RUNDC3B: variants seen among roughly 807,000 people sequenced by gnomAD.
The protein encoded by RUNDC3B is RUN domain-containing protein 3B.
Under a neutral mutation model 58.4 loss-of-function variants are expected in RUNDC3B, and 33 were observed. That is an observed-to-expected ratio of 0.56 (90% CI 0.43 to 0.75). The LOEUF is 0.75. Among genes scored for constraint, RUNDC3B ranks in the 30% least tolerant of loss-of-function variants. The pLI is 0.00. For missense variants in RUNDC3B, 501 were observed against 535.7 expected, an observed-to-expected ratio of 0.94 and a Z score of 0.64; for synonymous variants, 193 against 195.2, an observed-to-expected ratio of 0.99 and a Z score of 0.10.
At chr7:87,812,805 G>C (rs756815051) in intron 9 of RUNDC3B, among the ~76,000 whole-genome samples, 2 of 152,106 alleles carry the variant, frequency 1.3e-5, no homozygotes, top group Non-Finnish European at 2.9e-5. Context: ...TGAGTTACTT[G>C]CAATCTTACT....
intron 1 of RUNDC3B, among the ~76,000 whole-genome samples, chr7:87,646,804 G>T (rs1823048410): frequency 6.6e-6 from 1 of 152,134 alleles, no homozygotes; most frequent in African/African-American, 2.4e-5. Flanking sequence ...AAGTTTTCAA[G>T]TCCCTTTTAA....
Position 87,831,643 on chromosome 7 carries a change from G to A in RUNDC3B, c.*1613G>A, listed in dbSNP as rs1180663827. 3 of 151,892 alleles carry A rather than the reference G, an allele frequency of 2.0e-5. No homozygotes were observed. The highest frequency in any genetic ancestry group is 6.6e-5 in the Admixed American group (1 of 15,212). The allele number at this position is 151,892 out of a possible 1,614,324, so 9.4% of individuals were successfully genotyped here. A position where few individuals can be genotyped will look rare whatever the true frequency, so the allele number is the denominator to read the frequency against. On this transcript the variant is annotated 3_prime_UTR_variant, in exon 11 of 11. Transcript: ENST00000394654. Reference sequence around the variant, plus strand: ...CTCAATTCTACATACCTGATTATGAGTGAAGTATCCAAAGCAGGTTTTCAT... The same window carrying A: ...CTCAATTCTACATACCTGATTATGAATGAAGTATCCAAAGCAGGTTTTCAT...
chr7:87,735,770 CTTCCAT>C (rs901414910), intron 4 of RUNDC3B, among the ~76,000 whole-genome samples: 27 of 152,056 alleles, frequency 1.8e-4, no homozygotes, highest in Admixed American at 5.2e-4. Flanking sequence ...TTGGGCTTTC[CTTCCAT>C]TTGTCTCTAT....
chr7:87,724,793 T>G (rs1240524393), intron 4 of RUNDC3B, among the ~76,000 whole-genome samples: 1 of 152,106 alleles, frequency 6.6e-6, no homozygotes, highest in African/African-American at 2.4e-5. Flanking sequence ...TAATAGTTCA[T>G]AGTATTTGTG....
chr7:87,747,547 A>G (rs952348115), intron 6 of RUNDC3B, among the ~76,000 whole-genome samples: 7 of 152,216 alleles, frequency 4.6e-5, no homozygotes, highest in African/African-American at 1.4e-4. Flanking sequence ...TAGAACTCCC[A>G]AGATTATATG....
At chr7:87,731,109 A>G (rs948874074) in intron 4 of RUNDC3B, among the ~76,000 whole-genome samples, 1 of 152,128 alleles carries the variant, frequency 6.6e-6, no homozygotes, top group African/African-American at 2.4e-5. Flanking sequence ...TGCCAAGGAC[A>G]TGTATAAACA....
At chr7:87,732,359 G>A (rs1831633649) in intron 4 of RUNDC3B, among the ~76,000 whole-genome samples, 1 of 151,964 alleles carries the variant, frequency 6.6e-6, no homozygotes, top group Non-Finnish European at 1.5e-5. Context: ...AAAAGAAAGA[G>A]CAAAGTAAAC....
At chr7:87,803,293 G>A (rs1208379633) in intron 8 of RUNDC3B, among the ~76,000 whole-genome samples, 1 of 152,100 alleles carries the variant, frequency 6.6e-6, no homozygotes, top group African/African-American at 2.4e-5. Flanking sequence ...TTGCAGGAGA[G>A]CTAGACTCCA....
intron 3 of RUNDC3B, among the ~76,000 whole-genome samples, chr7:87,701,070 G>A (rs1828993614): frequency 6.6e-6 from 1 of 152,148 alleles, no homozygotes. Context: ...AATATCCTGA[G>A]TAATAAAATG....
intron 7 of RUNDC3B, among the ~76,000 whole-genome samples, chr7:87,773,890 C>G (rs1250180114): frequency 1.4e-4 from 22 of 151,976 alleles, no homozygotes; most frequent in Non-Finnish European, 1.3e-4. Flanking sequence ...GTTGGCTAGG[C>G]TGGTCTCTAA....
At chr7:87,808,210 A>T (rs529721939) in intron 9 of RUNDC3B, among the ~76,000 whole-genome samples, 1 of 150,306 alleles carries the variant, frequency 6.7e-6, no homozygotes, top group African/African-American at 2.4e-5. Flanking sequence ...CCTCCCTCTC[A>T]TCCCCTTCTG....
chr7:87,723,225 T>G (rs1285333878), intron 4 of RUNDC3B, among the ~76,000 whole-genome samples: 1 of 152,102 alleles, frequency 6.6e-6, no homozygotes, highest in African/African-American at 2.4e-5. Context: ...AAGTACAGAA[T>G]AATTCAACCA....
At chr7:87,791,884 G>A (rs904923729) in intron 8 of RUNDC3B, among the ~76,000 whole-genome samples, 1 of 152,020 alleles carries the variant, frequency 6.6e-6, no homozygotes, top group Non-Finnish European at 1.5e-5. Context: ...AACATTGAAT[G>A]TAAAGAGACT....
At chr7:87,680,748 T>G (rs1826849119) in intron 2 of RUNDC3B, among the ~76,000 whole-genome samples, 1 of 149,272 alleles carries the variant, frequency 6.7e-6, no homozygotes, top group Non-Finnish European at 1.5e-5. Context: ...TGAGCCAAGA[T>G]CGCGCCATTG....
chr7:87,737,579 T>C (rs1832062802), intron 4 of RUNDC3B, among the ~76,000 whole-genome samples: 1 of 152,126 alleles, frequency 6.6e-6, no homozygotes, highest in Non-Finnish European at 1.5e-5. Flanking sequence ...TTCTAAATAC[T>C]GAATTACTTT....
intron 2 of RUNDC3B, among the ~76,000 whole-genome samples, chr7:87,677,000 A>G (rs1826435721): frequency 1.3e-5 from 2 of 152,142 alleles, no homozygotes; most frequent in Admixed American, 1.3e-4. Context: ...GGATGTGGAG[A>G]AAAGGGAACC....
At chr7:87,797,852 C>T (rs146848705) in intron 8 of RUNDC3B, among the ~76,000 whole-genome samples, 3 of 151,948 alleles carry the variant, frequency 2.0e-5, no homozygotes, top group African/African-American at 4.8e-5. Flanking sequence ...TTTTGCGATG[C>T]GAATTAACTT....
chr7:87,824,324 T>C (rs974213906), intron 10 of RUNDC3B, among the ~76,000 whole-genome samples: 3 of 152,084 alleles, frequency 2.0e-5, no homozygotes, highest in Non-Finnish European at 4.4e-5. Flanking sequence ...AGTGAATGAG[T>C]CTCACAAGAT....
chr7:87,742,002 A>G (rs1832353033), intron 6 of RUNDC3B, among the ~76,000 whole-genome samples: 1 of 152,220 alleles, frequency 6.6e-6, no homozygotes, highest in African/African-American at 2.4e-5. Flanking sequence ...TGTCGGAGCT[A>G]TCCAGATAAA....
Sources: gnomAD v4.1 joint callset for allele counts (sites outside exome capture counted in the v4.1 genomes callset) on GRCh38, gnomAD v4.1.1 for gene constraint, MANE v1.5 for transcripts, NCBI Gene and HGNC (gene_info 2026-07-23, HGNC 2026-07-21) for gene names.